ZFAND6: variants seen among roughly 807,000 people sequenced by gnomAD.
ZFAND6 encodes the protein AN1-type zinc finger protein 6.
In ZFAND6, 12 loss-of-function variants were observed where a neutral mutation model predicts 24.5. The observed-to-expected ratio is 0.49, with a 90% CI of 0.31 to 0.79. The LOEUF is 0.79. Among genes scored for constraint, ZFAND6 ranks in the 30% least tolerant of loss-of-function variants. The probability of loss-of-function intolerance (pLI) is 0.04; values close to 1 mark genes in which losing one functional copy is unlikely to be tolerated. For missense variants in ZFAND6, 207 were observed against 245.9 expected, an observed-to-expected ratio of 0.84 and a Z score of 1.06; for synonymous variants, 92 against 81.5, an observed-to-expected ratio of 1.13 and a Z score of -0.69.
intron 5 of ZFAND6, among the ~76,000 whole-genome samples, chr15:80,129,142 C>T (rs2040489278): frequency 6.6e-6 from 1 of 152,128 alleles, no homozygotes. Flanking sequence ...GTTCTAGGAG[C>T]TGGAGATAAA....
intron 5 of ZFAND6, among the ~76,000 whole-genome samples, chr15:80,125,285 A>G (rs1053826962): frequency 6.6e-6 from 1 of 152,174 alleles, no homozygotes; most frequent in Non-Finnish European, 1.5e-5. Flanking sequence ...TCGTTTAGCA[A>G]ACTACCCAGG....
At chr15:80,084,158 G>T (rs115074685) in intron 1 of ZFAND6, among the ~76,000 whole-genome samples, 3 of 152,148 alleles carry the variant, frequency 2.0e-5, no homozygotes, top group East Asian at 1.9e-4. Context: ...TCAGGGTTAG[G>T]CATGATTACA....
chr15:80,065,872 T>C (rs900164056), intron 1 of ZFAND6, among the ~76,000 whole-genome samples: 1 of 152,126 alleles, frequency 6.6e-6, no homozygotes, highest in Non-Finnish European at 1.5e-5. Context: ...CTTAAAAAAA[T>C]TGCAACTTTT....
At chr15:80,085,865 T>G (rs942931499) in intron 1 of ZFAND6, among the ~76,000 whole-genome samples, 16 of 152,206 alleles carry the variant, frequency 1.1e-4, no homozygotes, top group African/African-American at 3.6e-4. Flanking sequence ...TTTATAATAC[T>G]GTATTTTTAC....
chr15:80,117,375 G>A (rs537338651), intron 2 of ZFAND6, among the ~76,000 whole-genome samples: 1 of 151,968 alleles, frequency 6.6e-6, no homozygotes, highest in African/African-American at 2.4e-5. Flanking sequence ...GGCTCCTGCC[G>A]CTATGCCTGG....
At chr15:80,073,101 C>T (rs1041023050) in intron 1 of ZFAND6, among the ~76,000 whole-genome samples, 2 of 151,670 alleles carry the variant, frequency 1.3e-5, no homozygotes, top group Non-Finnish European at 2.9e-5. Context: ...TTTTTTAACC[C>T]CAGCACAGCA....
chr15:80,127,452 A>G (rs1288809984), intron 5 of ZFAND6, among the ~76,000 whole-genome samples: 2 of 151,902 alleles, frequency 1.3e-5, no homozygotes, highest in Admixed American at 6.6e-5. Context: ...GCTGGCTGTG[A>G]TGTCATGCGC....
intron 2 of ZFAND6, among the ~76,000 whole-genome samples, chr15:80,101,664 T>TG (rs1284821432): frequency 6.6e-6 from 1 of 152,134 alleles, no homozygotes; most frequent in Non-Finnish European, 1.5e-5. Context: ...TCTCTTTGTC[T>TG]GGAACATGAA....
chr15:80,067,186 T>C (rs1041314305), intron 1 of ZFAND6, among the ~76,000 whole-genome samples: 1 of 152,224 alleles, frequency 6.6e-6, no homozygotes, highest in African/African-American at 2.4e-5. Context: ...GGGAGACTTT[T>C]ATTTTTTATT....
chr15:80,068,830 A>G (rs2036811087), intron 1 of ZFAND6, among the ~76,000 whole-genome samples: 1 of 152,252 alleles, frequency 6.6e-6, no homozygotes, highest in African/African-American at 2.4e-5. Context: ...TCTGTGAGAC[A>G]GCACTGGTCT....
At chr15:80,111,633 A>AT in intron 2 of ZFAND6, 1 of 355,746 alleles carries the variant, frequency 2.8e-6, no homozygotes, top group Non-Finnish European at 5.7e-6. Flanking sequence ...CTATAAGGAA[A>AT]TTTTTCTCAT....
chr15:80,134,306 T>C (rs1013166743), intron 6 of ZFAND6, among the ~76,000 whole-genome samples: 4 of 152,148 alleles, frequency 2.6e-5, no homozygotes, highest in Non-Finnish European at 5.9e-5. Context: ...TGTTTTGATA[T>C]TGGACAATGC....
chr15:80,069,208 G>C (rs1030970539), intron 1 of ZFAND6, among the ~76,000 whole-genome samples: 2 of 152,054 alleles, frequency 1.3e-5, no homozygotes, highest in African/African-American at 4.8e-5. Context: ...CTTTTTCTTA[G>C]ATGATCTATG....
chr15:80,083,313 T>A lies in ZFAND6; in HGVS notation c.-180-15103T>A, dbSNP rs117276187. The stretch of plus-strand genomic sequence containing the variant: ...GCCTATACATACGTTATTTTAAACC[T>A]CCCAGCCCTGTGAATTGGTGGTGGT... On this transcript the variant is annotated intron_variant, in intron 1 of 6. Coordinates refer to ENST00000261749, the MANE Select transcript of ZFAND6 (RefSeq NM_019006.4). Among the ~76,000 whole-genome samples, 3,103 of 152,176 alleles carry A rather than the reference T, an allele frequency of 0.02. 228 individuals carry two copies. In the East Asian group the frequency reaches 0.22, roughly 11 times the overall value.
chr15:80,098,806 C>CT (rs1226207842), intron 2 of ZFAND6, among the ~76,000 whole-genome samples: 1 of 151,888 alleles, frequency 6.6e-6, no homozygotes, highest in East Asian at 1.9e-4. Context: ...GACTACACAT[C>CT]TTTTTTCAGA....
intron 2 of ZFAND6, among the ~76,000 whole-genome samples, chr15:80,110,883 A>T (rs182710186): frequency 2.6e-5 from 4 of 152,332 alleles, no homozygotes; most frequent in African/African-American, 9.6e-5. Context: ...AGCTTCTCAC[A>T]TGCCCAGCCT....
At chr15:80,062,882 A>G (rs1023422595) in intron 1 of ZFAND6, among the ~76,000 whole-genome samples, 12 of 152,312 alleles carry the variant, frequency 7.9e-5, no homozygotes, top group Middle Eastern at 3.4e-3. Flanking sequence ...TTAAGAGTCC[A>G]TTCTAAACAC....
Position 80,075,673 on chromosome 15 carries a change from C to G in ZFAND6, c.-181+15864C>G, listed in dbSNP as rs573992113. ...TAATATGAGGAAAAAACTTAATGGG[C>G]AGTAAGTTGATAAAACTTGAAAGAA... On this transcript the variant is annotated intron_variant, in intron 1 of 6. Coordinates refer to ENST00000261749, the MANE Select transcript of ZFAND6 (RefSeq NM_019006.4). 1.1e-4 allele frequency among the ~76,000 whole-genome samples: 17 copies of G among 152,076 alleles called. No homozygotes were observed. The East Asian group carries it at 3.1e-3, about 28-fold the overall frequency.
chr15:80,111,620 T>G, intron 2 of ZFAND6: 1 of 384,552 alleles, frequency 2.6e-6, no homozygotes, highest in South Asian at 1.9e-5. Context: ...TAGTGATATA[T>G]TGCTATAAGG....
Sources: gnomAD v4.1 joint callset for allele counts (sites outside exome capture counted in the v4.1 genomes callset) on GRCh38, gnomAD v4.1.1 for gene constraint, MANE v1.5 for transcripts, NCBI Gene and HGNC (gene_info 2026-07-23, HGNC 2026-07-21) for gene names.